The following ADAMTSL1 variants were observed in gnomAD, a reference collection of about 807,000 sequenced individuals.
ADAMTSL1 encodes the protein ADAMTS like 1.
Under a neutral mutation model 201.8 loss-of-function variants are expected in ADAMTSL1, and 126 were observed. That is an observed-to-expected ratio of 0.62 (90% CI 0.54 to 0.72). The LOEUF (loss-of-function observed/expected upper bound fraction) is 0.72, where lower values mean the gene tolerates loss of function less well. Ranked by LOEUF, ADAMTSL1 falls within the 30% of genes least tolerant of loss-of-function variation. The pLI, the probability that ADAMTSL1 is intolerant of heterozygous loss-of-function variation, is 0.00. For synonymous variants in ADAMTSL1, 1,121 were observed against 903.4 expected, an observed-to-expected ratio of 1.24 and a Z score of -4.32; for missense variants, 2,679 against 2,277.8, an observed-to-expected ratio of 1.18 and a Z score of -3.59.
intron 1 of ADAMTSL1, among the ~76,000 whole-genome samples, chr9:17,946,926 T>C (rs561882171): frequency 6.6e-6 from 1 of 152,240 alleles, no homozygotes; most frequent in Admixed American, 6.5e-5. Flanking sequence ...TTCAGTGGAT[T>C]TGTGTACAAA....
At chr9:17,994,704 T>C (rs539777631) in intron 1 of ADAMTSL1, among the ~76,000 whole-genome samples, 1 of 152,302 alleles carries the variant, frequency 6.6e-6, no homozygotes, top group South Asian at 2.1e-4. Context: ...AAATTTAGGA[T>C]CAAGGTTCAG....
At chr9:18,848,904 A>C (rs1010316545) in intron 23 of ADAMTSL1, among the ~76,000 whole-genome samples, 2 of 152,234 alleles carry the variant, frequency 1.3e-5, no homozygotes, top group African/African-American at 4.8e-5. Flanking sequence ...CTTTGATAAT[A>C]TCAGCCTATC....
chr9:18,870,467 G>C (rs1480377233), intron 23 of ADAMTSL1, among the ~76,000 whole-genome samples: 1 of 152,156 alleles, frequency 6.6e-6, no homozygotes, highest in African/African-American at 2.4e-5. Context: ...TCTACCTGCT[G>C]CTCTTTTGCT....
At chr9:18,709,593 G>T (rs995624000) in intron 14 of ADAMTSL1, among the ~76,000 whole-genome samples, 1 of 152,196 alleles carries the variant, frequency 6.6e-6, no homozygotes, top group Non-Finnish European at 1.5e-5. Flanking sequence ...CAAATATCAT[G>T]TAACAATTAT....
At chr9:18,209,004 T>C (rs1417682149) in intron 2 of ADAMTSL1, among the ~76,000 whole-genome samples, 1 of 149,592 alleles carries the variant, frequency 6.7e-6, no homozygotes, top group Non-Finnish European at 1.5e-5. Context: ...TGCTCAAAGA[T>C]GCTTGTGGAT....
intron 2 of ADAMTSL1, among the ~76,000 whole-genome samples, chr9:18,373,009 G>T (rs1355804848): frequency 1.3e-5 from 2 of 152,148 alleles, no homozygotes; most frequent in East Asian, 3.9e-4. Flanking sequence ...CTGGTATCAG[G>T]GAAAGCCTGA....
At chr9:18,134,831 T>C (rs1387909246) in intron 1 of ADAMTSL1, among the ~76,000 whole-genome samples, 2 of 152,208 alleles carry the variant, frequency 1.3e-5, no homozygotes, top group African/African-American at 4.8e-5. Flanking sequence ...ACTCTTCCTT[T>C]AGCACAGACA....
chr9:18,426,818 C>T (rs1010455176), intron 2 of ADAMTSL1, among the ~76,000 whole-genome samples: 3 of 152,050 alleles, frequency 2.0e-5, no homozygotes, highest in East Asian at 1.9e-4. Flanking sequence ...TTTTTATGCT[C>T]GTAATCTGAA....
intron 2 of ADAMTSL1, among the ~76,000 whole-genome samples, chr9:18,267,535 A>T (rs2132559518): frequency 6.6e-6 from 1 of 152,272 alleles, no homozygotes; most frequent in Admixed American, 6.5e-5. Context: ...GCTTACAGAA[A>T]TGAACCTGTC....
intron 5 of ADAMTSL1, among the ~76,000 whole-genome samples, chr9:18,626,870 TCTTTCTTCCTTC>T (rs770334770): frequency 1.1e-3 from 159 of 141,780 alleles, no homozygotes; most frequent in African/African-American, 3.8e-3. Flanking sequence ...TTTCTTTCTG[TCTTTCTTCCTTC>T]CTTCCTTCCT....
intron 2 of ADAMTSL1, among the ~76,000 whole-genome samples, chr9:18,373,815 T>G (rs1482456013): frequency 6.6e-5 from 10 of 152,216 alleles, no homozygotes; most frequent in Non-Finnish European, 1.5e-5. Context: ...CATAGCATTC[T>G]CCCTCTAGGA....
intron 20 of ADAMTSL1, among the ~76,000 whole-genome samples, 173 bp downstream of exon 20, chr9:18,795,697 A>C (rs529280601): frequency 6.6e-6 from 1 of 152,328 alleles, no homozygotes; most frequent in South Asian, 2.1e-4. Context: ...ATGAAGTGCT[A>C]TAACTGATAA....
chr9:18,779,242 C>T (rs958848109), intron 19 of ADAMTSL1, among the ~76,000 whole-genome samples: 1 of 152,216 alleles, frequency 6.6e-6, no homozygotes, highest in African/African-American at 2.4e-5. Flanking sequence ...GTCTACTCTT[C>T]TGAGACTCGG....
chr9:18,846,274 G>A lies in ADAMTSL1; in HGVS notation c.4249+16297G>A, dbSNP rs763357175. On this transcript the variant is annotated intron_variant, in intron 23 of 28. Coordinates refer to ENST00000380548, the MANE Select transcript of ADAMTSL1 (RefSeq NM_001040272.6). ...GGGAAAGTTCAAGTAAGAAAAGCAC[G>A]ATGGAAATGGCAAGAGCTGGGGGCT... is the stretch of plus-strand genomic sequence containing the variant. 4.7e-4 allele frequency among the ~76,000 whole-genome samples: 71 copies of A among 151,568 alleles called. No homozygotes were observed. In the Middle Eastern group the frequency reaches 0.01, roughly 22 times the overall value.
At chr9:17,954,064 G>C (rs1022599467) in intron 1 of ADAMTSL1, among the ~76,000 whole-genome samples, 7 of 151,352 alleles carry the variant, frequency 4.6e-5, no homozygotes, top group Admixed American at 1.3e-4. Context: ...TCTGGGGCTG[G>C]CTGAGGCAAT....
intron 15 of ADAMTSL1, among the ~76,000 whole-genome samples, chr9:18,728,780 A>C (rs1208326868): frequency 6.6e-6 from 1 of 152,186 alleles, no homozygotes; most frequent in African/African-American, 2.4e-5. Flanking sequence ...AGTGGAAGCC[A>C]GTGTTAGAGA....
intron 26 of ADAMTSL1, among the ~76,000 whole-genome samples, chr9:18,905,268 A>G (rs1308850325): frequency 6.6e-6 from 1 of 152,218 alleles, no homozygotes; most frequent in African/African-American, 2.4e-5. Flanking sequence ...GCAAGAGAAT[A>G]TGAGGGAGGA....
intron 1 of ADAMTSL1, among the ~76,000 whole-genome samples, chr9:18,163,409 T>C (rs1478688822): frequency 6.6e-6 from 1 of 152,136 alleles, no homozygotes; most frequent in South Asian, 2.1e-4. Context: ...GGAAGTCAGT[T>C]CTGGGCTCAG....
At chr9:18,734,170 C>T (rs1448542077) in intron 15 of ADAMTSL1, among the ~76,000 whole-genome samples, 1 of 152,144 alleles carries the variant, frequency 6.6e-6, no homozygotes, top group East Asian at 1.9e-4. Context: ...GTGTGTTAAG[C>T]GCTTAGCACA....
Sources: gnomAD v4.1 joint callset for allele counts (sites outside exome capture counted in the v4.1 genomes callset) on GRCh38, gnomAD v4.1.1 for gene constraint, MANE v1.5 for transcripts, NCBI Gene and HGNC (gene_info 2026-07-23, HGNC 2026-07-21) for gene names.